The following CALD1 variants were observed in gnomAD, a reference collection of about 807,000 sequenced individuals.
CALD1 encodes the protein caldesmon 1, also known as caldesmon.
CALD1 carries 33 observed loss-of-function variants against 99.9 expected under a neutral mutation model. The observed-to-expected ratio is 0.33, with a 90% CI of 0.25 to 0.44. The LOEUF is 0.44. Ranked by LOEUF, CALD1 falls within the 20% of genes least tolerant of loss-of-function variation. CALD1 has a pLI of 1.00. For synonymous variants in CALD1, 310 were observed against 325.0 expected, an observed-to-expected ratio of 0.95 and a Z score of 0.50; for missense variants, 861 against 962.1, an observed-to-expected ratio of 0.89 and a Z score of 1.39.
intron 1 of CALD1, among the ~76,000 whole-genome samples, chr7:134,804,655 C>T (rs6467558): frequency 0.064 from 9,740 of 152,294 alleles, 364 homozygotes; most frequent in African/African-American, 0.11. Context: ...CTTGAACAAG[C>T]GTCCAGGGAC....
chr7:134,959,976 A>T lies in CALD1; in HGVS notation c.2064A>T (p.Gly688=). The change falls in exon 12 of 15, where the codon GGA becomes GGT. Residue 688 remains glycine (G), a splice_region_variant and synonymous_variant. Coordinates refer to ENST00000361675, the MANE Select transcript of CALD1 (RefSeq NM_033138.4). The stretch of plus-strand genomic sequence containing the variant: ...TAAAAATAACTCACAAATTTCAGGG[A>T]ACAAAAAGCGCAAAACCTACAAAGC... ...RLEQYTSAIE[G]TKSAKPTKPA... The T allele has an allele frequency of 1.2e-6, 2 of 1,613,244 alleles. No homozygotes were observed. The highest frequency in any genetic ancestry group is 1.7e-6 in the Non-Finnish European group (2 of 1,179,728).
Position 134,783,561 on chromosome 7 carries a change from C to A in CALD1, c.-130+3812C>A, listed in dbSNP as rs934040653. Among the ~76,000 whole-genome samples the A allele has an allele frequency of 2.0e-5, 3 of 151,758 alleles. No homozygotes were observed. The highest frequency in any genetic ancestry group is 2.9e-5 in the Non-Finnish European group (2 of 67,934). ...GTGGGTAAGGCTATGGGAGCGGGGT[C>A]GGGGGGAAACTATGACCTGGGCTGT... On this transcript the variant is annotated intron_variant, in intron 1 of 14. Coordinates refer to ENST00000361675, the MANE Select transcript of CALD1 (RefSeq NM_033138.4). This position sits in a 1 kb window ranked among gnomAD's most constrained non-coding sequence, Gnocchi z 4.3.
intron 1 of CALD1, among the ~76,000 whole-genome samples, chr7:134,807,651 C>T (rs1293349780): frequency 6.6e-6 from 1 of 152,148 alleles, no homozygotes; most frequent in Admixed American, 6.5e-5. Context: ...ATGAAATGAC[C>T]TAAGCCAATC....
chr7:134,756,055 T>A (rs116602632), intron 1 of CALD1, among the ~76,000 whole-genome samples: 4 of 151,994 alleles, frequency 2.6e-5, no homozygotes, highest in African/African-American at 9.7e-5. Flanking sequence ...CATGCCCTGC[T>A]AATTTGTGTA....
At chr7:134,863,195 G>T (rs891686937) in intron 2 of CALD1, among the ~76,000 whole-genome samples, 2 of 152,086 alleles carry the variant, frequency 1.3e-5, no homozygotes, top group Non-Finnish European at 1.5e-5. Flanking sequence ...GGGGAGGGGG[G>T]AATATATGGA....
At chr7:134,926,557 C>A (rs1202442917) in intron 3 of CALD1, among the ~76,000 whole-genome samples, 1 of 152,148 alleles carries the variant, frequency 6.6e-6, no homozygotes, top group South Asian at 2.1e-4. Context: ...AATCATTAAT[C>A]CTGTTTTTTA....
rs145580346 is a variant in CALD1 at position 134,942,172 on chromosome 7, C to T, written c.1532+935C>T. On this transcript the variant is annotated intron_variant, in intron 7 of 14. Coordinates refer to ENST00000361675, the MANE Select transcript of CALD1 (RefSeq NM_033138.4). ...TGGGTCCCTGCAATGTGGATTTCCC[C>T]GGGCTTGTTCCTTGGCTGCAGGCTT... is the stretch of plus-strand genomic sequence containing the variant. Among the ~76,000 whole-genome samples, 137 of 152,262 alleles carry T rather than the reference C, an allele frequency of 9.0e-4. 1 individual carries two copies. Among genetic ancestry groups the T allele is most frequent in the Middle Eastern group, 3.4e-3 (1 of 294 alleles).
chr7:134,869,066 T>C (rs1234886820), intron 3 of CALD1, among the ~76,000 whole-genome samples: 2 of 152,220 alleles, frequency 1.3e-5, no homozygotes, highest in East Asian at 1.9e-4. Flanking sequence ...AGAAATAGCA[T>C]AGCAGCATAG....
intron 1 of CALD1, among the ~76,000 whole-genome samples, chr7:134,840,440 G>A (rs934806170): frequency 6.6e-6 from 1 of 152,168 alleles, no homozygotes; most frequent in African/African-American, 2.4e-5. Context: ...CTCCGTGGCT[G>A]AACTCTCCAA....
intron 1 of CALD1, among the ~76,000 whole-genome samples, chr7:134,828,651 T>C (rs1799101435): frequency 6.6e-6 from 1 of 152,170 alleles, no homozygotes; most frequent in Non-Finnish European, 1.5e-5. Flanking sequence ...GGGGATGATA[T>C]ACTACCTATA....
intron 1 of CALD1, among the ~76,000 whole-genome samples, chr7:134,757,437 T>A (rs1237574826): frequency 6.6e-6 from 1 of 152,212 alleles, no homozygotes; most frequent in Admixed American, 6.5e-5. Context: ...ATGCTTACAA[T>A]TTGCAGGTCT....
At chr7:134,955,479 G>A (rs1170012333) in intron 9 of CALD1, among the ~76,000 whole-genome samples, 1 of 152,210 alleles carries the variant, frequency 6.6e-6, no homozygotes, top group Non-Finnish European at 1.5e-5. Context: ...CAATAGAAAT[G>A]TATTTCTCAC....
upstream of CALD1, among the ~76,000 whole-genome samples, chr7:134,743,030 T>A (rs1180115966): frequency 6.6e-6 from 1 of 152,208 alleles, no homozygotes; most frequent in Non-Finnish European, 1.5e-5. Flanking sequence ...AAAGTCAATC[T>A]AAGATCTTAT....
intron 1 of CALD1, among the ~76,000 whole-genome samples, chr7:134,830,787 T>C (rs1348655399): frequency 6.6e-6 from 1 of 152,250 alleles, no homozygotes; most frequent in Non-Finnish European, 1.5e-5. Context: ...GGTGCTTCTA[T>C]AATCTTGGCA....
At chr7:134,823,176 C>T (rs1195588668) in intron 1 of CALD1, among the ~76,000 whole-genome samples, 1 of 152,104 alleles carries the variant, frequency 6.6e-6, no homozygotes, top group East Asian at 1.9e-4. Flanking sequence ...TAAAAGATGC[C>T]TATGAGAACA....
intron 3 of CALD1, among the ~76,000 whole-genome samples, chr7:134,872,081 C>A (rs1055672595): frequency 1.3e-5 from 2 of 152,206 alleles, no homozygotes; most frequent in African/African-American, 4.8e-5. Flanking sequence ...CAAAAACGTT[C>A]TTCCAGCTGG....
At chr7:134,765,043 GCGGTGGCTCACGC>G (rs1343568971) in intron 1 of CALD1, among the ~76,000 whole-genome samples, 1 of 152,148 alleles carries the variant, frequency 6.6e-6, no homozygotes, top group Non-Finnish European at 1.5e-5. Flanking sequence ...CAGGCTGGGC[GCGGTGGCTCACGC>G]CTCTGATCCC....
intron 3 of CALD1, among the ~76,000 whole-genome samples, chr7:134,885,255 A>T (rs1340938841): frequency 6.6e-6 from 1 of 152,308 alleles, no homozygotes; most frequent in African/African-American, 2.4e-5. Context: ...TTCTATCTGT[A>T]GATCATAATC....
At chr7:134,869,101 A>G (rs559111877) in intron 3 of CALD1, among the ~76,000 whole-genome samples, 1 of 152,290 alleles carries the variant, frequency 6.6e-6, no homozygotes, top group South Asian at 2.1e-4. Context: ...TCATGCCAAG[A>G]GAAGGAAAGG....
Sources: allele counts gnomAD v4.1 joint callset (sites outside exome capture counted in the v4.1 genomes callset), GRCh38; gene constraint gnomAD v4.1.1; non-coding constraint Gnocchi (gnomAD v3.1); transcripts MANE v1.5; gene names NCBI Gene and HGNC (gene_info 2026-07-23, HGNC 2026-07-21).